The following HSPBAP1 variants were observed in gnomAD, a reference collection of about 807,000 sequenced individuals.
HSPBAP1 encodes HSPB1-associated protein 1.
A neutral mutation model predicts 45.2 loss-of-function variants in HSPBAP1; 27 were observed. The observed-to-expected ratio is 0.60, with a 90% confidence interval of 0.44 to 0.82. HSPBAP1 has a LOEUF of 0.82. Ranked by LOEUF, HSPBAP1 falls within the 40% of genes least tolerant of loss-of-function variation. The probability of loss-of-function intolerance (pLI) is 0.00; values close to 1 mark genes in which losing one functional copy is unlikely to be tolerated. For missense variants in HSPBAP1, 510 were observed against 590.9 expected, an observed-to-expected ratio of 0.86 and a Z score of 1.42; for synonymous variants, 204 against 202.7, an observed-to-expected ratio of 1.01 and a Z score of -0.06.
At chr3:122,762,235 T>C (rs1934618402) in intron 3 of HSPBAP1, among the ~76,000 whole-genome samples, 1 of 152,078 alleles carries the variant, frequency 6.6e-6, no homozygotes, top group Non-Finnish European at 1.5e-5. Flanking sequence ...CAAAAATTGC[T>C]ATTTTTATCA....
intron 6 of HSPBAP1, 186 bp from the exon 7 acceptor site, chr3:122,741,299 T>C (rs1296827676): frequency 1.7e-6 from 1 of 586,022 alleles, no homozygotes; most frequent in Non-Finnish European, 3.0e-6. Flanking sequence ...CTAGAAGAGC[T>C]GCAGAATATT....
intron 2 of HSPBAP1, among the ~76,000 whole-genome samples, chr3:122,777,178 A>G (rs1270995425): frequency 6.6e-6 from 1 of 152,232 alleles, no homozygotes; most frequent in Non-Finnish European, 1.5e-5. Flanking sequence ...TTTGCTTAAG[A>G]GAATAAAAGA....
chr3:122,780,313 G>A lies in HSPBAP1; in HGVS notation c.65-2407C>T, dbSNP rs1257605812. On this transcript the variant is annotated intron_variant, in intron 1 of 7. Coordinates refer to ENST00000306103, the MANE Select transcript of HSPBAP1 (RefSeq NM_024610.6). Reference sequence around the variant, plus strand: ...CCCCCCCACCTCCCTCCCGGACGGGGCGGCTGGCCGGGCGGGGGGCTGACC... The same window carrying A: ...CCCCCCCACCTCCCTCCCGGACGGGACGGCTGGCCGGGCGGGGGGCTGACC... 7.9e-3 allele frequency among the ~76,000 whole-genome samples: 840 copies of A among 106,596 alleles called. 78 individuals are homozygous for A. The highest frequency in any genetic ancestry group is 0.034 in the African/African-American group (767 of 22,864). The allele number at this position is 106,596 out of a possible 152,430, so 69.9% of individuals were successfully genotyped here.
In HSPBAP1 at chr3:122,781,752, A is replaced by C. The variant is rs867781302; in HGVS notation, c.65-3846T>G. Among the ~76,000 whole-genome samples the C allele has an allele frequency of 4.0e-4, 61 of 152,104 alleles. 1 individual carries two copies. Among genetic ancestry groups the C allele is most frequent in the African/African-American group, 1.4e-3 (58 of 41,426 alleles). On this transcript the variant is annotated intron_variant, in intron 1 of 7. Coordinates refer to ENST00000306103, the MANE Select transcript of HSPBAP1 (RefSeq NM_024610.6). The stretch of plus-strand genomic sequence containing the variant: ...GGCTGTTTCTGCATTAATTTAAGAT[A>C]ATGGCTTCCATCTGCATCCATGTTG...
chr3:122,752,466 CA>C, intron 6 of HSPBAP1, 124 bp downstream of exon 6: 2 of 594,844 alleles, frequency 3.4e-6, no homozygotes, highest in South Asian at 2.5e-5. Flanking sequence ...TGCACTGCAA[CA>C]AAAAAATACT....
intron 6 of HSPBAP1, among the ~76,000 whole-genome samples, chr3:122,748,271 GA>G (rs1933994467): frequency 6.6e-6 from 1 of 151,876 alleles, no homozygotes; most frequent in Non-Finnish European, 1.5e-5. Flanking sequence ...CTCTGCCTAG[GA>G]AAACCAGAGA....
At chr3:122,781,763 T>C (rs943685450) in intron 1 of HSPBAP1, among the ~76,000 whole-genome samples, 5 of 152,214 alleles carry the variant, frequency 3.3e-5, no homozygotes, top group Non-Finnish European at 5.9e-5. Flanking sequence ...ATGGCTTCCA[T>C]CTGCATCCAT....
intron 4 of HSPBAP1, chr3:122,758,866 G>A (rs1421969781): frequency 2.6e-6 from 1 of 387,422 alleles, no homozygotes; most frequent in Non-Finnish European, 4.9e-6. Context: ...GGGCAACAGA[G>A]CAAGACTGTC....
chr3:122,765,882 A>C (rs1362613590), intron 3 of HSPBAP1, among the ~76,000 whole-genome samples: 11 of 152,224 alleles, frequency 7.2e-5, no homozygotes, highest in Admixed American at 7.2e-4. Context: ...ACTGCAACTA[A>C]TGAACCTTTA....
At chr3:122,749,784 A>AT (rs1376634170) in intron 6 of HSPBAP1, among the ~76,000 whole-genome samples, 1 of 151,036 alleles carries the variant, frequency 6.6e-6, no homozygotes, top group Non-Finnish European at 1.5e-5. Context: ...AATTTTTTGT[A>AT]TTTTTTTAGT....
At chr3:122,752,889 C>T in intron 5 of HSPBAP1, 1 of 1,294,354 alleles carries the variant, frequency 7.7e-7, no homozygotes, top group Non-Finnish European at 9.8e-7. Context: ...ACAAAGGATA[C>T]TGCCAGCATC....
intron 2 of HSPBAP1, among the ~76,000 whole-genome samples, chr3:122,774,316 T>A (rs1935112948): frequency 6.6e-6 from 1 of 152,016 alleles, no homozygotes; most frequent in Non-Finnish European, 1.5e-5. Context: ...ACATTTAAGC[T>A]AAGATCTGAC....
chr3:122,790,367 T>C (rs1381088966), intron 1 of HSPBAP1, among the ~76,000 whole-genome samples: 1 of 152,210 alleles, frequency 6.6e-6, no homozygotes, highest in Non-Finnish European at 1.5e-5. Flanking sequence ...TCTACTTTAG[T>C]AGAATTGGTA....
chr3:122,770,733 T>G (rs895695217), intron 2 of HSPBAP1, among the ~76,000 whole-genome samples: 3 of 151,986 alleles, frequency 2.0e-5, no homozygotes, highest in African/African-American at 7.2e-5. Flanking sequence ...AACCAAAAAA[T>G]TATCAACTTC....
intron 3 of HSPBAP1, among the ~76,000 whole-genome samples, chr3:122,762,496 T>C (rs976274169): frequency 6.6e-6 from 1 of 152,178 alleles, no homozygotes; most frequent in African/African-American, 2.4e-5. Context: ...GCAACTAAAT[T>C]ATACCAAGGC....
chr3:122,792,135 G>A lies in HSPBAP1; in HGVS notation c.64+1482C>T, dbSNP rs926537468. On this transcript the variant is annotated intron_variant, in intron 1 of 7. Coordinates refer to ENST00000306103, the MANE Select transcript of HSPBAP1 (RefSeq NM_024610.6). Reference sequence around the variant, plus strand: ...GTTTGGGAATTTGTCATTGGAGAACGTTAGCAGGCTCACTAGAGAAACAGA... The same window carrying A: ...GTTTGGGAATTTGTCATTGGAGAACATTAGCAGGCTCACTAGAGAAACAGA... Among the ~76,000 whole-genome samples the A allele has an allele frequency of 4.6e-5, 7 of 152,318 alleles. No homozygotes were observed. The South Asian group carries it at 1.0e-3, about 23-fold the overall frequency.
chr3:122,754,187 A>G (rs1199396559), intron 5 of HSPBAP1: 2 of 152,746 alleles, frequency 1.3e-5, no homozygotes, highest in African/African-American at 4.8e-5. Flanking sequence ...ATGAATGTTC[A>G]AAGTAGCATT....
rs201518071 is a variant in HSPBAP1, at chr3:122,759,362, T to C, written c.433-2A>G. 4 of 1,611,808 alleles carry C rather than the reference T, an allele frequency of 2.5e-6. No individual in the cohort carries two copies. The highest frequency in any genetic ancestry group is 3.4e-6 in the Non-Finnish European group (4 of 1,178,232). On this transcript the variant is annotated splice_acceptor_variant, in intron 3 of 7. Transcript: ENST00000306103. LOFTEE classifies it high-confidence loss of function. ...CCCGAAGTCAGACCATTTCACATCCTGTTTTGAAATAAAGTTGCAATCCAT... is the reference window on the plus strand; with the variant it reads ...CCCGAAGTCAGACCATTTCACATCCCGTTTTGAAATAAAGTTGCAATCCAT...
intron 1 of HSPBAP1, among the ~76,000 whole-genome samples, chr3:122,779,117 A>C (rs1195425303): frequency 6.6e-6 from 1 of 150,926 alleles, no homozygotes; most frequent in African/African-American, 2.4e-5. Context: ...GTCTCGGCTC[A>C]CTGCAACCTC....
Sources: gnomAD v4.1 joint callset for allele counts (sites outside exome capture counted in the v4.1 genomes callset) on GRCh38, gnomAD v4.1.1 for gene constraint, MANE v1.5 for transcripts, NCBI Gene and HGNC (gene_info 2026-07-23, HGNC 2026-07-21) for gene names.